NPAS4: variants seen among roughly 807,000 people sequenced by gnomAD.
NPAS4 encodes the protein neuronal PAS domain protein 4.
NPAS4 carries 10 observed loss-of-function variants against 64.0 expected under a neutral mutation model. The observed-to-expected ratio is 0.16, with a 90% CI of 0.10 to 0.26. The LOEUF is 0.26. NPAS4 is among the 10% of genes least tolerant of loss of function. The pLI, the probability that NPAS4 is intolerant of heterozygous loss-of-function variation, is 1.00. For synonymous variants in NPAS4, 441 were observed against 411.7 expected, an observed-to-expected ratio of 1.07 and a Z score of -0.86; for missense variants, 886 against 992.6, an observed-to-expected ratio of 0.89 and a Z score of 1.44.
In NPAS4 at chr11:66,422,863, C is replaced by T; in HGVS notation, c.620C>T (p.Pro207Leu). 1 of 1,612,920 alleles carries T rather than the reference C, an allele frequency of 6.2e-7. No individual in the cohort carries two copies. ...CCCCGCCCAGGTCCTGGCCCTGGCC[C>T]TGGCCCTGCCTCGCTCTTCCTGGCC... Reference protein sequence around the residue: ...PRPRPGPGPGPGPASLFLAMF... With the variant: ...PRPRPGPGPGLGPASLFLAMF... Residue 207 changes from proline (P) to leucine (L), a missense_variant, in exon 4 of 8, where the codon CCT (proline) becomes CTT (leucine). Around this residue, in one of 3 missense-constraint regions of NPAS4, gnomAD observed 820 missense variants for 855.5 expected, o/e 0.96. Coordinates refer to ENST00000311034, the MANE Select transcript of NPAS4 (RefSeq NM_178864.4).
At position 66,422,849 on chromosome 11, in the gene NPAS4, T is replaced by C. The variant is rs1565240679; in HGVS notation, c.606T>C (p.Gly202=). Residue 202 remains glycine, a synonymous_variant, in exon 4 of 8, where the codon GGT becomes GGC. Coordinates refer to ENST00000311034, the MANE Select transcript of NPAS4 (RefSeq NM_178864.4). ...CTCTGGAGCCGAGACCCCGCCCAGG[T>C]CCTGGCCCTGGCCCTGGCCCTGCCT... ...CAPLEPRPRP[G]PGPGPGPASL... is the part of the protein sequence containing the mutation. 2 of 1,613,452 alleles carry C rather than the reference T, an allele frequency of 1.2e-6. No individual in the cohort carries two copies. The highest frequency in any genetic ancestry group is 1.7e-6 in the Non-Finnish European group (2 of 1,180,008).
upstream of NPAS4, among the ~76,000 whole-genome samples, chr11:66,417,343 T>A (rs1478685200): frequency 6.6e-6 from 1 of 152,152 alleles, no homozygotes; most frequent in Non-Finnish European, 1.5e-5. Flanking sequence ...GGAATTTTTT[T>A]TTTTTAGAAC....
the NPAS4 span, among the ~76,000 whole-genome samples, chr11:66,414,959 C>T: frequency 6.6e-6 from 1 of 152,204 alleles, no homozygotes; most frequent in African/African-American, 2.4e-5. Context: ...TCTGAGAAGG[C>T]ATAGAGAGAT....
chr11:66,421,804 G>A (rs1187251953), intron 1 of NPAS4, among the ~76,000 whole-genome samples: 3 of 152,254 alleles, frequency 2.0e-5, no homozygotes, highest in Non-Finnish European at 4.4e-5. Flanking sequence ...TCTGTCCATG[G>A]TTCTGAACCC....
upstream of NPAS4, among the ~76,000 whole-genome samples, chr11:66,420,082 G>C (rs1016188144): frequency 1.3e-5 from 2 of 152,212 alleles, no homozygotes; most frequent in Non-Finnish European, 2.9e-5. Flanking sequence ...CCCGCCCCCG[G>C]CCCGCGGGGA....
chr11:66,409,391 A>T, the NPAS4 span: 1 of 152,066 alleles, frequency 6.6e-6, no homozygotes, highest in Non-Finnish European at 1.5e-5. Context: ...CAAACCTTGG[A>T]AAGAAACGAG....
the NPAS4 span, among the ~76,000 whole-genome samples, chr11:66,412,327 C>T: frequency 6.6e-6 from 1 of 152,202 alleles, no homozygotes; most frequent in Non-Finnish European, 1.5e-5. Flanking sequence ...AAGGAGCCTG[C>T]TGGGGCCCGA....
At chr11:66,414,541 G>A in the NPAS4 span, among the ~76,000 whole-genome samples, 127 of 152,064 alleles carry the variant, frequency 8.4e-4, no homozygotes, top group Non-Finnish European at 1.7e-3. Context: ...GTCTCAATGC[G>A]TGGGTGCCAG....
chr11:66,414,747 A>G, the NPAS4 span, among the ~76,000 whole-genome samples: 3 of 152,228 alleles, frequency 2.0e-5, no homozygotes, highest in Non-Finnish European at 2.9e-5. Flanking sequence ...TGGGTTTCCT[A>G]TTCTCACTGC....
In NPAS4 at chr11:66,423,785, C is replaced by G. The variant is rs747380480; in HGVS notation, c.945-50C>G. 5.0e-6 allele frequency: 8 copies of G among 1,606,382 alleles called. No homozygotes were observed. The East Asian group carries it at 1.3e-4, about 27-fold the overall frequency. On this transcript the variant is annotated intron_variant, in intron 6 of 7. Transcript: ENST00000311034. Reference sequence around the variant, plus strand: ...AGGAGACACAAATCAGGGAACTGCTCTGGATATGGACGTCGGACCCTTACC... The same window carrying G: ...AGGAGACACAAATCAGGGAACTGCTGTGGATATGGACGTCGGACCCTTACC...
upstream of NPAS4, chr11:66,420,918 A>C: frequency 4.8e-6 from 2 of 420,752 alleles, no homozygotes; most frequent in Non-Finnish European, 4.3e-6. Flanking sequence ...CTCCCCAGTC[A>C]GCGGCTCCCG....
At chr11:66,416,510 C>T (rs1856671539), upstream of NPAS4, among the ~76,000 whole-genome samples, 1 of 152,178 alleles carries the variant, frequency 6.6e-6, no homozygotes, top group African/African-American at 2.4e-5. Context: ...GGGAATAGAA[C>T]TATGAAAAAT....
In NPAS4 at chr11:66,423,597, T is replaced by C; in HGVS notation, c.828T>C (p.Ile276=). The C allele has an allele frequency of 6.2e-7, 1 of 1,614,090 alleles. No homozygotes were observed. Among genetic ancestry groups the C allele is most frequent in the Non-Finnish European group, 8.5e-7 (1 of 1,180,006 alleles). The change falls in exon 6 of 8, where the codon ATT becomes ATC. Residue 276 remains isoleucine (I), a synonymous_variant. Transcript: ENST00000311034. ...HYRLLAESGD[I]QAEMVVRLQA... ...CCCCAGTGGCTGAGAGTGGAGATAT[T>C]CAGGCAGAGATGGTGGTGAGGCTAC...
In NPAS4 at chr11:66,422,453, G is replaced by A. The variant is rs749282742; in HGVS notation, c.330G>A (p.Val110=). 25 of 1,609,866 alleles carry A rather than the reference G, an allele frequency of 1.6e-5. No homozygotes were observed. The highest frequency in any genetic ancestry group is 2.1e-5 in the Non-Finnish European group (25 of 1,176,288). Residue 110 remains valine (V), a splice_region_variant and synonymous_variant, in exon 3 of 8, where the codon GTG becomes GTA. Transcript: ENST00000311034. The part of the protein sequence containing the change: ...SVSEHLGHSM[V]DLVAQGDSIY... ...ATCTCTTCTTTTCCTCCCTCCAGGTGGACCTGGTTGCCCAGGGTGACAGCA... is the reference window on the plus strand; with the variant it reads ...ATCTCTTCTTTTCCTCCCTCCAGGTAGACCTGGTTGCCCAGGGTGACAGCA...
chr11:66,414,736 G>A, the NPAS4 span, among the ~76,000 whole-genome samples: 16 of 152,230 alleles, frequency 1.1e-4, no homozygotes, highest in Non-Finnish European at 1.5e-4. Context: ...CCAGCTCTGC[G>A]TGGGTTTCCT....
chr11:66,415,944 T>A, the NPAS4 span, among the ~76,000 whole-genome samples: 76 of 152,040 alleles, frequency 5.0e-4, no homozygotes, highest in East Asian at 7.0e-3. Context: ...GCAGAAAAAA[T>A]TTTTTTAAAT....
the NPAS4 span, among the ~76,000 whole-genome samples, chr11:66,413,319 C>T: frequency 4.0e-4 from 61 of 152,332 alleles, no homozygotes; most frequent in Non-Finnish European, 5.9e-4. Flanking sequence ...AGCACTGTGG[C>T]GGCCGGGAGG....
chr11:66,422,723 G>C lies in NPAS4; in HGVS notation c.480G>C (p.Gln160His), dbSNP rs1245038681. 6.2e-7 allele frequency: 1 copy of C among 1,614,112 alleles called. No individual in the cohort carries two copies. The highest frequency in any genetic ancestry group is 1.1e-5 in the South Asian group (1 of 91,088). ...ACACCTCCAAGTCCCTCAGGCGCCA[G>C]AGTGCAGGCAACAAACTCGTGCTTA... ...RFNTSKSLRR[Q>H]SAGNKLVLIR... is the part of the protein sequence containing the mutation. The change falls in exon 4 of 8, where the codon CAG becomes CAC. Residue 160 changes from glutamine to histidine, a missense_variant. Transcript: ENST00000311034.
intron 5 of NPAS4, 132 bp from the exon 6 acceptor site, chr11:66,423,446 A>T: frequency 9.4e-7 from 1 of 1,067,906 alleles, no homozygotes; most frequent in Non-Finnish European, 1.4e-6. Context: ...TAGAGAGCTG[A>T]GTGGTTCAGG....
Sources: allele counts gnomAD v4.1 joint callset (sites outside exome capture counted in the v4.1 genomes callset), GRCh38; gene constraint gnomAD v4.1.1; regional missense constraint gnomAD v4.1.1; transcripts MANE v1.5; gene names NCBI Gene and HGNC (gene_info 2026-07-23, HGNC 2026-07-21).